The following RBM19 variants were observed in gnomAD, a reference collection of about 807,000 sequenced individuals.
RBM19 encodes the protein RNA binding motif protein 19.
Under a neutral mutation model 116.8 loss-of-function variants are expected in RBM19, and 94 were observed. The ratio of observed to expected loss-of-function variants is 0.80; its 90% CI spans 0.68 to 0.95. The LOEUF (loss-of-function observed/expected upper bound fraction) is 0.95, where lower values mean the gene tolerates loss of function less well. RBM19 is among the 40% of genes least tolerant of loss of function. The pLI is 0.00. For missense variants in RBM19, 1,161 were observed against 1,220.7 expected (o/e 0.95, Z 0.73); for synonymous variants, 475 against 494.1 (o/e 0.96, Z 0.51).
At chr12:113,849,893 T>C (rs2135726224) in intron 22 of RBM19, among the ~76,000 whole-genome samples, 1 of 152,280 alleles carries the variant, frequency 6.6e-6, no homozygotes, top group African/African-American at 2.4e-5. Context: ...TGGCCTCTGG[T>C]TTCTACTGAG....
chr12:113,830,589 G>GGGGGGGT (rs1565960614), intron 23 of RBM19, among the ~76,000 whole-genome samples: 5 of 73,102 alleles, frequency 6.8e-5, no homozygotes, highest in Non-Finnish European at 1.3e-4. Context: ...GGGGGGGGGG[G>GGGGGGGT]TGGGCTATGC....
intron 20 of RBM19, among the ~76,000 whole-genome samples, 192 bp from the exon 21 acceptor site, chr12:113,915,277 G>A (rs1199227460): frequency 2.6e-5 from 4 of 152,202 alleles, no homozygotes; most frequent in African/African-American, 7.2e-5. Flanking sequence ...AGCTGCAGAC[G>A]TCAGGGGGAC....
chr12:113,947,923 A>G (rs551727435), intron 10 of RBM19, among the ~76,000 whole-genome samples: 3 of 152,190 alleles, frequency 2.0e-5, no homozygotes, highest in Non-Finnish European at 2.9e-5. Context: ...CCAAATGGAC[A>G]TTTGCAATAT....
chr12:113,835,124 A>G (rs529537341), intron 23 of RBM19, among the ~76,000 whole-genome samples: 188 of 152,256 alleles, frequency 1.2e-3, no homozygotes, highest in African/African-American at 3.9e-3. Flanking sequence ...TGGGGCTTGG[A>G]GCACATTAGC....
chr12:113,857,791 C>T (rs960258590), intron 22 of RBM19, among the ~76,000 whole-genome samples: 10 of 152,226 alleles, frequency 6.6e-5, no homozygotes, highest in African/African-American at 2.4e-4. Flanking sequence ...CTGGAGCTGC[C>T]ACCTTTGGCT....
chr12:113,924,693 A>G lies in RBM19; in HGVS notation c.2305+4T>C. The G allele has an allele frequency of 6.5e-7, 1 of 1,538,370 alleles. No individual in the cohort carries two copies. The highest frequency in any genetic ancestry group is 9.0e-7 in the Non-Finnish European group (1 of 1,111,240). ...GAACACTTTCCGAATTTCATGCGGA[A>G]TACCTGCTTTGTTCTTCTTCTTGGA... On this transcript the variant is annotated splice_donor_region_variant and intron_variant, in intron 18 of 23. Coordinates refer to ENST00000261741, the MANE Select transcript of RBM19 (RefSeq NM_016196.4).
intron 21 of RBM19, among the ~76,000 whole-genome samples, chr12:113,910,185 A>C (rs940765049): frequency 3.3e-5 from 5 of 152,280 alleles, no homozygotes; most frequent in South Asian, 2.1e-4. Flanking sequence ...ACATGCTCCC[A>C]TAAACACCTC....
rs375087181 is a variant in RBM19 at position 113,918,484 on chromosome 12, C to T, written c.2386-37G>A. 60 of 1,606,254 alleles carry T rather than the reference C, an allele frequency of 3.7e-5. No homozygotes were observed. The East Asian group carries it at 3.8e-4, about 10-fold the overall frequency. ...GACAACATGGCTCATCTCTCTGTCC[C>T]GAGAAATACTCACCCGAATCCTTGC... On this transcript the variant is annotated intron_variant, in intron 19 of 23. Coordinates refer to ENST00000261741, the MANE Select transcript of RBM19 (RefSeq NM_016196.4).
intron 23 of RBM19, among the ~76,000 whole-genome samples, chr12:113,838,315 A>G (rs962174736): frequency 2.0e-5 from 3 of 152,262 alleles, no homozygotes; most frequent in Admixed American, 1.3e-4. Flanking sequence ...CCACAGGGTG[A>G]GCATGCAAAC....
intron 10 of RBM19, 92 bp from the exon 11 acceptor site, chr12:113,947,556 C>T: frequency 3.6e-6 from 5 of 1,403,446 alleles, no homozygotes; most frequent in Non-Finnish European, 4.8e-6. Flanking sequence ...GCCAACCTCA[C>T]AGGTCATGGG....
At chr12:113,951,691 G>A (rs1871479591) in intron 8 of RBM19, among the ~76,000 whole-genome samples, 2 of 152,204 alleles carry the variant, frequency 1.3e-5, no homozygotes, top group Non-Finnish European at 2.9e-5. Flanking sequence ...ATGGGTGGCT[G>A]AATGGATCAG....
At chr12:113,963,052 A>G (rs1471855259) in intron 1 of RBM19, among the ~76,000 whole-genome samples, 1 of 152,214 alleles carries the variant, frequency 6.6e-6, no homozygotes. Flanking sequence ...ATAGCTATGA[A>G]CCAAGGAAGG....
At chr12:113,868,643 A>G (rs1879008796) in intron 21 of RBM19, among the ~76,000 whole-genome samples, 1 of 152,222 alleles carries the variant, frequency 6.6e-6, no homozygotes, top group Non-Finnish European at 1.5e-5. Flanking sequence ...GAAAGCTATT[A>G]GCATCTCTCA....
chr12:113,901,065 GATCCCCAAA>G, intron 21 of RBM19, among the ~76,000 whole-genome samples: 1 of 152,258 alleles, frequency 6.6e-6, no homozygotes, highest in African/African-American at 2.4e-5. Context: ...GGTCTAGAAA[GATCCCCAAA>G]CAGTGTTTCC....
At position 113,885,974 on chromosome 12, in the gene RBM19, T is replaced by C. The variant is rs538531510; in HGVS notation, c.2559-27078A>G. 6.6e-5 allele frequency among the ~76,000 whole-genome samples: 10 copies of C among 150,938 alleles called. No homozygotes were observed. The South Asian group carries it at 1.9e-3, about 29-fold the overall frequency. On this transcript the variant is annotated intron_variant, in intron 21 of 23. Coordinates refer to ENST00000261741, the MANE Select transcript of RBM19 (RefSeq NM_016196.4). ...AGCTCTGCCTCCCGGGTTCATGCAA[T>C]TCTCCTGCCTCAGCCTCCCAAGTAG...
intron 22 of RBM19, among the ~76,000 whole-genome samples, chr12:113,847,584 C>T (rs1307095434): frequency 6.6e-6 from 1 of 151,814 alleles, no homozygotes; most frequent in African/African-American, 2.4e-5. Context: ...ATCCTCGTGC[C>T]AGGGTCCCTG....
At chr12:113,925,366 C>G (rs1291444064) in intron 17 of RBM19, among the ~76,000 whole-genome samples, 1 of 152,222 alleles carries the variant, frequency 6.6e-6, no homozygotes, top group Non-Finnish European at 1.5e-5. Context: ...TGCTTACTGA[C>G]TCTTGTGTTT....
chr12:113,872,573 G>GC (rs1420780551), intron 21 of RBM19, among the ~76,000 whole-genome samples: 1 of 123,710 alleles, frequency 8.1e-6, no homozygotes, highest in Non-Finnish European at 1.8e-5. Flanking sequence ...GGGAGGTGGG[G>GC]GGGGGTCAGC....
chr12:113,830,947 C>T (rs1311362787), intron 23 of RBM19, among the ~76,000 whole-genome samples: 1 of 152,068 alleles, frequency 6.6e-6, no homozygotes, highest in African/African-American at 2.4e-5. Flanking sequence ...GCTCGAGGGT[C>T]CAGATAGGAA....
Sources: allele counts gnomAD v4.1 joint callset (sites outside exome capture counted in the v4.1 genomes callset), GRCh38; gene constraint gnomAD v4.1.1; transcripts MANE v1.5; gene names NCBI Gene and HGNC (gene_info 2026-07-23, HGNC 2026-07-21).